Variants in GALNT17 observed in about 807,000 individuals in gnomAD.
GALNT17 encodes the protein UDP-GalNAc:polypeptide N-acetylgalactosaminyltransferase-like 3.
GALNT17 carries 29 observed loss-of-function variants against 63.7 expected under a neutral mutation model. The observed-to-expected ratio is 0.46, with a 90% CI of 0.34 to 0.62. The LOEUF (loss-of-function observed/expected upper bound fraction) is 0.62, where lower values mean the gene tolerates loss of function less well. Ranked by LOEUF, GALNT17 falls within the 20% of genes least tolerant of loss-of-function variation. GALNT17 has a pLI of 0.01. For synonymous variants in GALNT17, 305 were observed against 318.3 expected, an observed-to-expected ratio of 0.96 and a Z score of 0.45; for missense variants, 603 against 799.6, an observed-to-expected ratio of 0.75 and a Z score of 2.97.
chr7:71,533,422 C>T (rs1233086066), intron 5 of GALNT17, among the ~76,000 whole-genome samples: 1 of 152,178 alleles, frequency 6.6e-6, no homozygotes, highest in African/African-American at 2.4e-5. Context: ...TTCTCTTTCC[C>T]TTGCTTTGCG....
At chr7:71,441,570 C>T (rs1052280311) in intron 5 of GALNT17, among the ~76,000 whole-genome samples, 5 of 152,104 alleles carry the variant, frequency 3.3e-5, no homozygotes, top group Non-Finnish European at 5.9e-5. Context: ...CTGCACCTAT[C>T]AACCGGTCAT....
chr7:71,139,579 C>G (rs1306143344), intron 1 of GALNT17, among the ~76,000 whole-genome samples: 4 of 152,144 alleles, frequency 2.6e-5, no homozygotes, highest in Non-Finnish European at 5.9e-5. Context: ...AACCAAGACG[C>G]TCCTATATAG....
At chr7:71,211,911 G>A (rs566294262) in intron 1 of GALNT17, among the ~76,000 whole-genome samples, 1 of 152,232 alleles carries the variant, frequency 6.6e-6, no homozygotes, top group Non-Finnish European at 1.5e-5. Context: ...GTTTTATAAG[G>A]GAAACAGAGC....
chr7:71,513,007 A>G (rs1441205549), intron 5 of GALNT17, among the ~76,000 whole-genome samples: 1 of 152,206 alleles, frequency 6.6e-6, no homozygotes, highest in Non-Finnish European at 1.5e-5. Flanking sequence ...CAATTAAAAC[A>G]CATTAAAATG....
chr7:71,617,813 T>G (rs1019228972), intron 6 of GALNT17, among the ~76,000 whole-genome samples: 3 of 151,932 alleles, frequency 2.0e-5, no homozygotes, highest in Non-Finnish European at 4.4e-5. Flanking sequence ...TGGCTAATTT[T>G]TTTTTGTATT....
intron 9 of GALNT17, among the ~76,000 whole-genome samples, chr7:71,701,881 G>GTATA (rs1209538660): frequency 1.1e-5 from 1 of 90,056 alleles, no homozygotes; most frequent in Non-Finnish European, 2.2e-5. Flanking sequence ...ATATATATAT[G>GTATA]TATATATATA....
At chr7:71,699,807 C>T (rs1175604853) in intron 9 of GALNT17, among the ~76,000 whole-genome samples, 2 of 151,500 alleles carry the variant, frequency 1.3e-5, no homozygotes, top group African/African-American at 2.4e-5. Flanking sequence ...ATGGCATGCA[C>T]CTGTAGTCCC....
At chr7:71,363,726 G>A (rs1244293374) in intron 2 of GALNT17, among the ~76,000 whole-genome samples, 2 of 152,202 alleles carry the variant, frequency 1.3e-5, no homozygotes, top group African/African-American at 4.8e-5. Context: ...TTCGCAGATC[G>A]GACAGCCGCG....
intron 2 of GALNT17, among the ~76,000 whole-genome samples, chr7:71,375,395 G>T (rs1186166399): frequency 6.6e-6 from 1 of 152,022 alleles, no homozygotes; most frequent in African/African-American, 2.4e-5. Flanking sequence ...AGGTTGGAGG[G>T]TGAGACATTG....
intron 5 of GALNT17, among the ~76,000 whole-genome samples, chr7:71,427,849 G>A (rs537692122): frequency 6.6e-6 from 1 of 152,228 alleles, no homozygotes; most frequent in East Asian, 1.9e-4. Flanking sequence ...TCTCATAGGA[G>A]CACAAATCCT....
intron 2 of GALNT17, among the ~76,000 whole-genome samples, chr7:71,337,598 G>A (rs777215499): frequency 8.6e-4 from 131 of 152,258 alleles, no homozygotes; most frequent in Non-Finnish European, 8.2e-4. Context: ...GGCAGGGCAC[G>A]GTGGCTCACG....
At chr7:71,704,568 A>G (rs774242560) in intron 9 of GALNT17, among the ~76,000 whole-genome samples, 4 of 151,894 alleles carry the variant, frequency 2.6e-5, no homozygotes, top group African/African-American at 4.8e-5. Flanking sequence ...TAGCCAGAAC[A>G]GTATTGAAAA....
At chr7:71,232,717 C>A (rs1288995268) in intron 1 of GALNT17, among the ~76,000 whole-genome samples, 2 of 152,076 alleles carry the variant, frequency 1.3e-5, no homozygotes, top group Admixed American at 6.6e-5. Context: ...CGCTCAGGGT[C>A]CGTGCTGCAG....
chr7:71,483,609 G>A (rs1583992399), intron 5 of GALNT17, among the ~76,000 whole-genome samples: 2 of 151,246 alleles, frequency 1.3e-5, no homozygotes, highest in East Asian at 4.0e-4. Context: ...CCAGGCTAGA[G>A]TGCAGTGGCA....
At chr7:71,588,686 C>T (rs957673100) in intron 6 of GALNT17, among the ~76,000 whole-genome samples, 1 of 152,130 alleles carries the variant, frequency 6.6e-6, no homozygotes, top group Admixed American at 6.5e-5. Context: ...TCTACAATGT[C>T]GGACAACCCA....
chr7:71,194,466 G>A lies in GALNT17; in HGVS notation c.238+61426G>A, dbSNP rs532541852. Among the ~76,000 whole-genome samples, 188 of 152,318 alleles carry A rather than the reference G, an allele frequency of 1.2e-3. 2 individuals are homozygous for A. Among genetic ancestry groups the A allele is most frequent in the Non-Finnish European group, 2.3e-3 (157 of 68,026 alleles). ...GGTCAAATAATGCTGTTCCCTGGCA[G>A]ATACAGTATTGGAACTGGAGGAGGG... On this transcript the variant is annotated intron_variant, in intron 1 of 10. Coordinates refer to ENST00000333538, the MANE Select transcript of GALNT17 (RefSeq NM_022479.3).
At chr7:71,195,511 C>G (rs541327713) in intron 1 of GALNT17, among the ~76,000 whole-genome samples, 1 of 152,086 alleles carries the variant, frequency 6.6e-6, no homozygotes, top group Non-Finnish European at 1.5e-5. Context: ...TCTCCTATAG[C>G]TGGGACCACA....
At chr7:71,605,958 G>A (rs893263224) in intron 6 of GALNT17, among the ~76,000 whole-genome samples, 1 of 152,088 alleles carries the variant, frequency 6.6e-6, no homozygotes, top group Non-Finnish European at 1.5e-5. Flanking sequence ...TTGATTGACT[G>A]AGACAGGATC....
At chr7:71,229,194 G>A (rs745559359) in intron 1 of GALNT17, among the ~76,000 whole-genome samples, 13 of 152,230 alleles carry the variant, frequency 8.5e-5, no homozygotes, top group Non-Finnish European at 1.9e-4. Context: ...GGATGGCCAA[G>A]AGAATCGTGA....
Sources: allele counts gnomAD v4.1 joint callset (sites outside exome capture counted in the v4.1 genomes callset), GRCh38; gene constraint gnomAD v4.1.1; transcripts MANE v1.5; gene names NCBI Gene and HGNC (gene_info 2026-07-23, HGNC 2026-07-21).